MEGF11: variants seen among roughly 807,000 people sequenced by gnomAD.
MEGF11 encodes the protein multiple EGF like domains 11.
MEGF11 carries 126 observed loss-of-function variants against 146.6 expected under a neutral mutation model. The observed-to-expected ratio is 0.86, with a 90% confidence interval of 0.74 to 1.00. The LOEUF is 1.00. Ranked by LOEUF, MEGF11 falls within the 50% of genes least tolerant of loss-of-function variation. MEGF11 has a pLI of 0.00. For synonymous variants in MEGF11, 532 were observed against 583.4 expected (o/e 0.91, Z 1.27); for missense variants, 1,509 against 1,521.2 (o/e 0.99, Z 0.13).
At chr15:66,050,100 C>G (rs904148293) in intron 5 of MEGF11, among the ~76,000 whole-genome samples, 1 of 152,132 alleles carries the variant, frequency 6.6e-6, no homozygotes, top group African/African-American at 2.4e-5. Flanking sequence ...CACTGTGTTG[C>G]CCAGGCTAAA....
chr15:65,920,190 AACCCTC>A (rs1236871061), intron 15 of MEGF11, among the ~76,000 whole-genome samples: 1 of 152,182 alleles, frequency 6.6e-6, no homozygotes, highest in Admixed American at 6.5e-5. Flanking sequence ...TGGGAATGGG[AACCCTC>A]ACCGACTGTC....
At chr15:65,914,583 GC>G (rs899148834) in intron 19 of MEGF11, among the ~76,000 whole-genome samples, 1 of 152,046 alleles carries the variant, frequency 6.6e-6, no homozygotes, top group Non-Finnish European at 1.5e-5. Context: ...TGTGAGGGCT[GC>G]CCCCACCCTC....
chr15:65,910,154 C>T (rs1169008550), intron 21 of MEGF11, among the ~76,000 whole-genome samples: 1 of 152,134 alleles, frequency 6.6e-6, no homozygotes, highest in Non-Finnish European at 1.5e-5. Context: ...TCAGCTGCAA[C>T]ATGAGGCCAT....
chr15:66,178,062 C>G (rs1444066681), intron 1 of MEGF11, among the ~76,000 whole-genome samples: 1 of 152,194 alleles, frequency 6.6e-6, no homozygotes, highest in Non-Finnish European at 1.5e-5. Flanking sequence ...CATCTCACTG[C>G]AGCCTCTACA....
intron 5 of MEGF11, among the ~76,000 whole-genome samples, chr15:66,082,731 C>T (rs1329994668): frequency 7.0e-6 from 1 of 143,660 alleles, no homozygotes; most frequent in Non-Finnish European, 1.5e-5. Context: ...CATTTGCACA[C>T]AGCGGGAGCA....
intron 10 of MEGF11, among the ~76,000 whole-genome samples, chr15:65,943,188 G>C (rs1309478712): frequency 6.6e-6 from 1 of 151,954 alleles, no homozygotes; most frequent in Non-Finnish European, 1.5e-5. Flanking sequence ...ATGTTGGCCA[G>C]GCTGATCTCA....
At chr15:66,099,670 A>G (rs1056880165) in intron 4 of MEGF11, among the ~76,000 whole-genome samples, 1 of 152,226 alleles carries the variant, frequency 6.6e-6, no homozygotes, top group Non-Finnish European at 1.5e-5. Context: ...GAGTTAACTC[A>G]TGCAAAGCAC....
intron 5 of MEGF11, among the ~76,000 whole-genome samples, chr15:66,037,591 C>T (rs333593): frequency 0.67 from 102,047 of 152,020 alleles, 37,269 homozygotes; most frequent in Non-Finnish European, 0.82. Context: ...TCTCCTGGTC[C>T]CATCATAGGG....
chr15:66,133,330 C>A (rs879651949), intron 1 of MEGF11, among the ~76,000 whole-genome samples: 1 of 152,192 alleles, frequency 6.6e-6, no homozygotes, highest in Admixed American at 6.5e-5. Flanking sequence ...GTGTTCCAGA[C>A]GCCTCATGAA....
At chr15:66,121,240 G>T (rs967521130) in intron 3 of MEGF11, among the ~76,000 whole-genome samples, 6 of 152,170 alleles carry the variant, frequency 3.9e-5, no homozygotes, top group African/African-American at 1.4e-4. Flanking sequence ...CTCCCACTGG[G>T]TCTGCCAGGG....
intron 1 of MEGF11, among the ~76,000 whole-genome samples, chr15:66,147,655 G>A (rs1394262359): frequency 1.3e-5 from 2 of 152,206 alleles, no homozygotes; most frequent in Non-Finnish European, 2.9e-5. Flanking sequence ...CAGGTGCACC[G>A]AGGCAGCAGA....
chr15:66,250,011 GGCTCCATTTA>G (rs2092348806), intron 1 of MEGF11, among the ~76,000 whole-genome samples: 1 of 152,174 alleles, frequency 6.6e-6, no homozygotes, highest in African/African-American at 2.4e-5. Context: ...ACAGATTCAG[GGCTCCATTTA>G]CTCATCTGTA....
At chr15:66,078,237 G>C (rs2085677702) in intron 5 of MEGF11, among the ~76,000 whole-genome samples, 2 of 152,218 alleles carry the variant, frequency 1.3e-5, no homozygotes, top group African/African-American at 2.4e-5. Flanking sequence ...GGTGTGTAGA[G>C]GAAGTACTGG....
At chr15:66,047,043 T>A (rs2084236320) in intron 5 of MEGF11, among the ~76,000 whole-genome samples, 1 of 152,180 alleles carries the variant, frequency 6.6e-6, no homozygotes, top group Non-Finnish European at 1.5e-5. Flanking sequence ...GAAGTTCACC[T>A]CTCAGCAGAT....
chr15:66,127,676 G>A (rs16949541), intron 2 of MEGF11, among the ~76,000 whole-genome samples: 55,606 of 152,014 alleles, frequency 0.37, 11,402 homozygotes, highest in African/African-American at 0.56. Flanking sequence ...GCTCACCAAA[G>A]TCAATACTTT....
chr15:66,177,061 GAGAACATTTT>G (rs1469003772), intron 1 of MEGF11, among the ~76,000 whole-genome samples: 1 of 152,218 alleles, frequency 6.6e-6, no homozygotes, highest in African/African-American at 2.4e-5. Flanking sequence ...GAAAGAGTCA[GAGAACATTTT>G]AGGGACTCCA....
chr15:66,154,540 T>G (rs539349234), intron 1 of MEGF11, among the ~76,000 whole-genome samples: 1 of 152,248 alleles, frequency 6.6e-6, no homozygotes, highest in African/African-American at 2.4e-5. Flanking sequence ...CAACATTAGA[T>G]GCCTTCAACA....
At chr15:66,039,765 C>T (rs923364966) in intron 5 of MEGF11, among the ~76,000 whole-genome samples, 2 of 149,930 alleles carry the variant, frequency 1.3e-5, no homozygotes, top group South Asian at 2.2e-4. Flanking sequence ...GGTCAGGCGG[C>T]GGTGGGGTGA....
intron 1 of MEGF11, among the ~76,000 whole-genome samples, chr15:66,203,542 C>T (rs1383393220): frequency 2.6e-5 from 4 of 152,174 alleles, no homozygotes; most frequent in South Asian, 2.1e-4. Flanking sequence ...CCACAGCTTA[C>T]CTGCTTACAA....
Sources: allele counts gnomAD v4.1 joint callset (sites outside exome capture counted in the v4.1 genomes callset), GRCh38; gene constraint gnomAD v4.1.1; transcripts MANE v1.5; gene names NCBI Gene and HGNC (gene_info 2026-07-23, HGNC 2026-07-21).